NTM: variants seen among roughly 807,000 people sequenced by gnomAD.
NTM encodes the protein neurotrimin.
A neutral mutation model predicts 42.1 loss-of-function variants in NTM; 13 were observed. The observed-to-expected ratio is 0.31, with a 90% CI of 0.20 to 0.49. NTM has a LOEUF of 0.49. NTM is among the 20% of genes least tolerant of loss of function. The pLI is 0.99. For missense variants in NTM, 373 were observed against 452.8 expected, an observed-to-expected ratio of 0.82 and a Z score of 1.60; for synonymous variants, 187 against 179.2, an observed-to-expected ratio of 1.04 and a Z score of -0.35.
intron 1 of NTM, among the ~76,000 whole-genome samples, chr11:131,527,451 C>G (rs1034953124): frequency 6.6e-6 from 1 of 152,206 alleles, no homozygotes; most frequent in African/African-American, 2.4e-5. Context: ...ATGCCTCTTC[C>G]ATTTCCCAAA....
chr11:131,505,723 C>A (rs2047405019), intron 1 of NTM, among the ~76,000 whole-genome samples: 1 of 152,182 alleles, frequency 6.6e-6, no homozygotes, highest in Non-Finnish European at 1.5e-5. Flanking sequence ...GGTGGCCACT[C>A]AGCAGGTTCG....
chr11:131,417,954 TG>T (rs1167195346), intron 1 of NTM, among the ~76,000 whole-genome samples: 3 of 152,234 alleles, frequency 2.0e-5, no homozygotes, highest in Non-Finnish European at 4.4e-5. Flanking sequence ...TGACAAGTTT[TG>T]TTACAGGTTT....
At chr11:131,726,736 CAG>C (rs2079016907) in intron 1 of NTM, among the ~76,000 whole-genome samples, 3 of 151,176 alleles carry the variant, frequency 2.0e-5, no homozygotes, top group Non-Finnish European at 4.4e-5. Flanking sequence ...GTTTTTGAGA[CAG>C]AGTCTTGCTT....
chr11:131,383,679 T>C (rs2513541), intron 1 of NTM, among the ~76,000 whole-genome samples: 129,049 of 152,128 alleles, frequency 0.85, 54,782 homozygotes, highest in South Asian at 0.86. Context: ...AGGGCTAGAA[T>C]TGTTTTCATT....
intron 3 of NTM, among the ~76,000 whole-genome samples, chr11:132,180,073 C>T (rs537145900): frequency 1.8e-4 from 27 of 152,210 alleles, no homozygotes; most frequent in Middle Eastern, 6.8e-3. Context: ...ATGGGAACCC[C>T]GTTTGAAAGC....
chr11:131,789,647 A>G (rs2090519473), intron 1 of NTM, among the ~76,000 whole-genome samples: 1 of 135,452 alleles, frequency 7.4e-6, no homozygotes, highest in Admixed American at 7.5e-5. Context: ...AAGAAGAAGA[A>G]GAAGAAGAAG....
At chr11:131,525,319 C>T (rs555577347) in intron 1 of NTM, among the ~76,000 whole-genome samples, 13 of 152,160 alleles carry the variant, frequency 8.5e-5, no homozygotes, top group Non-Finnish European at 1.3e-4. Context: ...TATAATGCGC[C>T]GGAAATCGCA....
At chr11:131,849,301 G>A (rs564825518) in intron 1 of NTM, among the ~76,000 whole-genome samples, 19 of 152,280 alleles carry the variant, frequency 1.2e-4, no homozygotes, top group African/African-American at 4.1e-4. Flanking sequence ...AATTTATAAA[G>A]AAAAGAGGTT....
chr11:132,011,211 A>G (rs1253525145), intron 2 of NTM, among the ~76,000 whole-genome samples: 4 of 127,848 alleles, frequency 3.1e-5, no homozygotes, highest in African/African-American at 7.6e-5. Flanking sequence ...TCTACTTGAT[A>G]TTGATACTAT....
chr11:131,838,056 G>T (rs1759799977), intron 1 of NTM, among the ~76,000 whole-genome samples: 1 of 152,138 alleles, frequency 6.6e-6, no homozygotes, highest in Non-Finnish European at 1.5e-5. Context: ...ACATCTCCCA[G>T]CCATCTGGAA....
chr11:131,989,808 A>T (rs1213720936), intron 2 of NTM, among the ~76,000 whole-genome samples: 1 of 152,076 alleles, frequency 6.6e-6, no homozygotes, highest in Non-Finnish European at 1.5e-5. Flanking sequence ...TATTTAGGTC[A>T]TGCAGTCTTG....
intron 2 of NTM, among the ~76,000 whole-genome samples, chr11:131,918,265 T>A (rs1295148854): frequency 6.6e-6 from 1 of 152,202 alleles, no homozygotes; most frequent in Non-Finnish European, 1.5e-5. Context: ...TTTCCCTAAG[T>A]GCAAAAGCAT....
At chr11:132,139,421 C>A (rs1247207401) in intron 2 of NTM, among the ~76,000 whole-genome samples, 7 of 152,180 alleles carry the variant, frequency 4.6e-5, no homozygotes, top group African/African-American at 1.7e-4. Flanking sequence ...TAGTGTTGGG[C>A]TTTTGTTGTA....
intron 2 of NTM, among the ~76,000 whole-genome samples, chr11:132,049,986 G>T (rs1272575708): frequency 6.6e-6 from 1 of 152,158 alleles, no homozygotes; most frequent in African/African-American, 2.4e-5. Flanking sequence ...AAGATGCAGT[G>T]TCTCTCTCCC....
rs12099103 is a variant in NTM at position 131,545,514 on chromosome 11, A to G, written c.82+174626A>G. On this transcript the variant is annotated intron_variant, in intron 1 of 8. Coordinates refer to ENST00000683400, the MANE Select transcript of NTM (RefSeq NM_001352005.2). Reference sequence around the variant, plus strand: ...CATCCATACATCTATCCATCCACCCATTTATTCCACCAGCATTCACTGAGC... The same window carrying G: ...CATCCATACATCTATCCATCCACCCGTTTATTCCACCAGCATTCACTGAGC... Among the ~76,000 whole-genome samples, 263 of 152,166 alleles carry G rather than the reference A, an allele frequency of 1.7e-3. 1 individual carries two copies. The highest frequency in any genetic ancestry group is 6.1e-3 in the African/African-American group (253 of 41,522).
intron 3 of NTM, among the ~76,000 whole-genome samples, chr11:132,167,181 A>G: frequency 6.6e-6 from 1 of 151,942 alleles, no homozygotes; most frequent in East Asian, 1.9e-4. Context: ...AGCAAAATTG[A>G]CATTGTTCTT....
At chr11:131,444,169 A>G (rs533828677) in intron 1 of NTM, among the ~76,000 whole-genome samples, 178 of 138,112 alleles carry the variant, frequency 1.3e-3, no homozygotes, top group African/African-American at 4.4e-3. Flanking sequence ...GGGAAGTCAA[A>G]CCCTGATGCT....
intron 1 of NTM, among the ~76,000 whole-genome samples, chr11:131,831,898 A>G (rs546822618): frequency 1.3e-5 from 2 of 149,174 alleles, no homozygotes; most frequent in Admixed American, 6.7e-5. Context: ...TTAATCCCAA[A>G]GTAATTAATT....
chr11:131,655,795 C>T (rs1028716558), intron 1 of NTM, among the ~76,000 whole-genome samples: 27 of 152,234 alleles, frequency 1.8e-4, no homozygotes, highest in Non-Finnish European at 2.9e-5. Context: ...CTGTGTGAGG[C>T]AATGAAGGGA....
Sources: gnomAD v4.1 joint callset for allele counts (sites outside exome capture counted in the v4.1 genomes callset) on GRCh38, gnomAD v4.1.1 for gene constraint, MANE v1.5 for transcripts, NCBI Gene and HGNC (gene_info 2026-07-23, HGNC 2026-07-21) for gene names.